The following PRKCE variants were observed in gnomAD, a reference collection of about 807,000 sequenced individuals.
PRKCE encodes the protein protein kinase C epsilon type.
Under a neutral mutation model 85.4 loss-of-function variants are expected in PRKCE, and 16 were observed. The observed-to-expected ratio is 0.19, with a 90% CI of 0.13 to 0.28. The LOEUF is 0.28. Among genes scored for constraint, PRKCE ranks in the 10% least tolerant of loss-of-function variants. The pLI is 1.00. For synonymous variants in PRKCE, 388 were observed against 371.5 expected (o/e 1.04, Z -0.51); for missense variants, 573 against 975.2 (o/e 0.59, Z 5.49).
Position 45,652,895 on chromosome 2 carries a change from CGA to C in PRKCE, c.348+449_348+450del, listed in dbSNP as rs1370897959. On this transcript the variant is annotated intron_variant, in intron 1 of 14. Transcript: ENST00000306156. This position sits in a 1 kb window ranked among gnomAD's most constrained non-coding sequence, Gnocchi z 7.7. ...CCTGGCTTTGTCCTGCTTAGCCGAGCGAGGAGTTGCTTTATTTTTCCCTCCGA... is the reference window on the plus strand; with the variant it reads ...CCTGGCTTTGTCCTGCTTAGCCGAGCGGAGTTGCTTTATTTTTCCCTCCGA... Among the ~76,000 whole-genome samples, 3 of 152,084 alleles carry C rather than the reference CGA, an allele frequency of 2.0e-5. No homozygotes were observed.
At chr2:46,097,170 G>A (rs572632093) in intron 11 of PRKCE, among the ~76,000 whole-genome samples, 3 of 152,142 alleles carry the variant, frequency 2.0e-5, no homozygotes, top group Middle Eastern at 3.4e-3. Flanking sequence ...ACTGATAAAC[G>A]TGCATGACGG....
At chr2:46,032,432 T>A (rs368215237) in intron 10 of PRKCE, among the ~76,000 whole-genome samples, 3 of 152,320 alleles carry the variant, frequency 2.0e-5, no homozygotes, top group South Asian at 4.1e-4. Context: ...TCTCTTAAAA[T>A]GGGCACGGGT....
intron 2 of PRKCE, among the ~76,000 whole-genome samples, chr2:45,898,144 C>T (rs995162444): frequency 1.3e-5 from 2 of 152,142 alleles, no homozygotes; most frequent in Admixed American, 6.5e-5. Context: ...GATGAAGCCA[C>T]GTGGCTTTTA....
rs931099476 is a variant in PRKCE at position 46,171,615 on chromosome 2, G to A, written c.2067+11863G>A. Among the ~76,000 whole-genome samples the A allele has an allele frequency of 3.3e-5, 5 of 152,256 alleles. 1 individual carries two copies. The highest frequency in any genetic ancestry group is 2.1e-4 in the South Asian group (1 of 4,828). On this transcript the variant is annotated intron_variant, in intron 14 of 14. Transcript: ENST00000306156. ...GCCCAGCCTGCCTGTTAGACAAGAC[G>A]TCTAATGCCTCCGAGCCCATTTCCC...
rs547840127 is a variant in PRKCE, at chr2:45,934,080, G to A, written c.413-42349G>A. ...CTCCTAACTGACCTCTGCTGTCACC[G>A]ACTTGCCAAATTAACTCTGTCTCCC... On this transcript the variant is annotated intron_variant, in intron 2 of 14. Coordinates refer to ENST00000306156, the MANE Select transcript of PRKCE (RefSeq NM_005400.3). Among the ~76,000 whole-genome samples the A allele has an allele frequency of 6.6e-5, 10 of 152,186 alleles. No individual in the cohort carries two copies. The East Asian group carries it at 1.2e-3, about 18-fold the overall frequency.
chr2:45,863,872 T>C (rs1352231582), intron 2 of PRKCE, among the ~76,000 whole-genome samples: 1 of 152,144 alleles, frequency 6.6e-6, no homozygotes, highest in Non-Finnish European at 1.5e-5. Context: ...TGCGCCTGGC[T>C]GCACTGGAGA....
rs79369439 is a variant in PRKCE at position 45,900,705 on chromosome 2, C to T, written c.412+57642C>T. On this transcript the variant is annotated intron_variant, in intron 2 of 14. Transcript: ENST00000306156. ...GAGATGGATGGTGGTAATGGTTTCA[C>T]AACAGTGTGAATGTACTTAATACTA... Among the ~76,000 whole-genome samples, 279 of 152,328 alleles carry T rather than the reference C, an allele frequency of 1.8e-3. 3 individuals carry two copies. The highest frequency in any genetic ancestry group is 6.6e-3 in the African/African-American group (276 of 41,562).
At chr2:46,020,822 A>G (rs1706587273) in intron 10 of PRKCE, among the ~76,000 whole-genome samples, 1 of 152,366 alleles carries the variant, frequency 6.6e-6, no homozygotes, top group South Asian at 2.1e-4. Flanking sequence ...GAATAAAGAC[A>G]GTATGTGATA....
chr2:45,826,665 T>C (rs1298915678), intron 1 of PRKCE, among the ~76,000 whole-genome samples: 1 of 152,160 alleles, frequency 6.6e-6, no homozygotes, highest in East Asian at 1.9e-4. Context: ...GTCTCCGACA[T>C]GGCCAGTGCA....
At chr2:45,849,891 C>T (rs1692111124) in intron 2 of PRKCE, among the ~76,000 whole-genome samples, 1 of 152,144 alleles carries the variant, frequency 6.6e-6, no homozygotes, top group African/African-American at 2.4e-5. Flanking sequence ...GGAATAAATT[C>T]TTGTTCCCAG....
rs370345395 is a variant in PRKCE, at chr2:45,996,105, AT to A, written c.824-5296del. Among the ~76,000 whole-genome samples the A allele has an allele frequency of 2.3e-4, 35 of 152,150 alleles. No individual in the cohort carries two copies. In the East Asian group the frequency reaches 2.5e-3, roughly 11 times the overall value. ...TGTGAGATTTATATGTAAATATTTC[AT>A]TTGGGGGAATGATAACATAGATGGT... On this transcript the variant is annotated intron_variant, in intron 6 of 14. Transcript: ENST00000306156.
At chr2:45,848,828 C>G (rs754712289) in intron 2 of PRKCE, among the ~76,000 whole-genome samples, 8 of 152,160 alleles carry the variant, frequency 5.3e-5, no homozygotes, top group Non-Finnish European at 1.0e-4. Flanking sequence ...TAGGTGTTAC[C>G]AAGAGTTCTC....
At chr2:45,678,092 T>G (rs1252577744) in intron 1 of PRKCE, among the ~76,000 whole-genome samples, 2 of 152,240 alleles carry the variant, frequency 1.3e-5, no homozygotes, top group African/African-American at 4.8e-5. Flanking sequence ...CTTACTTGGT[T>G]TCTCTGCCTT....
chr2:45,885,002 T>TATTTTTTTTTTGTTG (rs1553440407), intron 2 of PRKCE, among the ~76,000 whole-genome samples: 1 of 97,642 alleles, frequency 1.0e-5, no homozygotes, highest in East Asian at 2.9e-4. Context: ...TATATATATA[T>TATTTTTTTTTTGTTG]TTGTTGTTGT....
chr2:45,956,133 T>C (rs1424605376), intron 2 of PRKCE, among the ~76,000 whole-genome samples: 3 of 152,212 alleles, frequency 2.0e-5, no homozygotes, highest in East Asian at 3.8e-4. Flanking sequence ...ATGTCATTGC[T>C]TGTGTCTGTA....
chr2:45,690,407 T>C (rs1207738568), intron 1 of PRKCE, among the ~76,000 whole-genome samples: 2 of 152,212 alleles, frequency 1.3e-5, no homozygotes, highest in African/African-American at 2.4e-5. Flanking sequence ...AAGCAGGGGC[T>C]GAAAACACTG....
chr2:45,898,018 G>C (rs1696278386), intron 2 of PRKCE, among the ~76,000 whole-genome samples: 1 of 152,142 alleles, frequency 6.6e-6, no homozygotes, highest in South Asian at 2.1e-4. Flanking sequence ...TTTCATCTCA[G>C]TCAATAAGGA....
chr2:45,728,656 C>T (rs575365136), intron 1 of PRKCE, among the ~76,000 whole-genome samples: 1 of 152,176 alleles, frequency 6.6e-6, no homozygotes, highest in South Asian at 2.1e-4. Flanking sequence ...AGATGGGGAA[C>T]TGAAAGCCCC....
At chr2:45,708,817 C>T (rs970181638) in intron 1 of PRKCE, among the ~76,000 whole-genome samples, 1 of 152,158 alleles carries the variant, frequency 6.6e-6, no homozygotes, top group Non-Finnish European at 1.5e-5. Flanking sequence ...TGCCTTCTCC[C>T]TCTGTTGGCT....
Sources: gnomAD v4.1 joint callset for allele counts (sites outside exome capture counted in the v4.1 genomes callset) on GRCh38, gnomAD v4.1.1 for gene constraint, Gnocchi (gnomAD v3.1) non-coding constraint, MANE v1.5 for transcripts, NCBI Gene and HGNC (gene_info 2026-07-23, HGNC 2026-07-21) for gene names.